Variants in ITGA9 observed in about 807,000 individuals in gnomAD.
ITGA9 encodes integrin subunit alpha 9.
Under a neutral mutation model 127.8 loss-of-function variants are expected in ITGA9, and 56 were observed. The ratio of observed to expected loss-of-function variants is 0.44; its 90% CI spans 0.35 to 0.55. ITGA9 has a LOEUF of 0.55. ITGA9 is among the 20% of genes least tolerant of loss of function. ITGA9 has a pLI of 0.00. For missense variants in ITGA9, 1,196 were observed against 1,347.1 expected (o/e 0.89, Z 1.76); for synonymous variants, 508 against 514.5 (o/e 0.99, Z 0.17).
chr3:37,818,191 T>TTAAAAAAAAAAAAAAA (rs1553674108), intron 27 of ITGA9: 19 of 31,970 alleles, frequency 5.9e-4, no homozygotes, highest in African/African-American at 1.6e-3. Context: ...TAAGACTCTC[T>TTAAAAAAAAAAAAAAA]AAAAAAAAAA....
intron 25 of ITGA9, among the ~76,000 whole-genome samples, chr3:37,784,254 C>T (rs1316392464): frequency 6.6e-6 from 1 of 152,160 alleles, no homozygotes; most frequent in East Asian, 1.9e-4. Context: ...CTGTCTTCTT[C>T]CAAATTCTTT....
At chr3:37,642,560 C>G (rs948121075) in intron 16 of ITGA9, among the ~76,000 whole-genome samples, 2 of 152,196 alleles carry the variant, frequency 1.3e-5, no homozygotes, top group Non-Finnish European at 2.9e-5. Context: ...TCTGTAATCC[C>G]TCTGGGAATT....
chr3:37,741,407 C>T (rs755465286), intron 20 of ITGA9, among the ~76,000 whole-genome samples: 7 of 152,128 alleles, frequency 4.6e-5, no homozygotes, highest in South Asian at 2.1e-4. Context: ...CCCTGGCTGC[C>T]GACAGCACGA....
chr3:37,523,576 C>T lies in ITGA9; in HGVS notation c.1292C>T (p.Ser431Leu), dbSNP rs374117373. The T allele has an allele frequency of 6.8e-6, 11 of 1,613,822 alleles. No individual in the cohort carries two copies. The highest frequency in any genetic ancestry group is 1.1e-5 in the South Asian group (1 of 91,058). The change falls in exon 12 of 28, where the codon TCG (serine) becomes TTG (leucine). Residue 431 changes from serine (S) to leucine (L), a missense_variant. Transcript: ENST00000264741. ...CTCCGGATGTTTGGTCAGTCCATAT[C>T]GGGAGGCATTGATATGGATGGAAAT... is the stretch of plus-strand genomic sequence containing the variant. ...PVLRMFGQSISGGIDMDGNGY... is the reference protein window; with the variant it reads ...PVLRMFGQSILGGIDMDGNGY...
intron 8 of ITGA9, among the ~76,000 whole-genome samples, chr3:37,510,289 C>T (rs905235298): frequency 1.3e-5 from 2 of 152,120 alleles, no homozygotes. Flanking sequence ...TAGGCATGAG[C>T]CACCGCACCT....
chr3:37,571,478 T>C (rs1575153930), intron 15 of ITGA9, among the ~76,000 whole-genome samples: 1 of 152,304 alleles, frequency 6.6e-6, no homozygotes, highest in East Asian at 1.9e-4. Flanking sequence ...TAGAGCCCTC[T>C]TGTGGTCCCA....
chr3:37,745,067 C>T (rs1050396251), intron 22 of ITGA9, among the ~76,000 whole-genome samples: 4 of 152,244 alleles, frequency 2.6e-5, no homozygotes, highest in African/African-American at 9.6e-5. Context: ...GATGGTTTCC[C>T]ACTCTGGCAT....
intron 26 of ITGA9, among the ~76,000 whole-genome samples, chr3:37,786,576 G>A (rs1697043580): frequency 6.6e-6 from 1 of 151,418 alleles, no homozygotes; most frequent in South Asian, 2.1e-4. Context: ...CTGGGCAACG[G>A]AGTAAGACTC....
chr3:37,581,081 G>GA (rs1445912157), intron 15 of ITGA9, among the ~76,000 whole-genome samples: 3 of 152,186 alleles, frequency 2.0e-5, no homozygotes, highest in Non-Finnish European at 2.9e-5. Flanking sequence ...AAGAAGTTTG[G>GA]ATTTTATTTA....
At chr3:37,763,926 C>T (rs754317826) in intron 23 of ITGA9, among the ~76,000 whole-genome samples, 1 of 152,178 alleles carries the variant, frequency 6.6e-6, no homozygotes, top group African/African-American at 2.4e-5. Context: ...GGATTAGAAA[C>T]CCCTCTCATG....
chr3:37,762,544 G>A (rs1170588175), intron 23 of ITGA9, among the ~76,000 whole-genome samples: 1 of 152,118 alleles, frequency 6.6e-6, no homozygotes, highest in Non-Finnish European at 1.5e-5. Context: ...TTTCAGACTT[G>A]TAAAGGTGTC....
chr3:37,457,845 G>T (rs932121282), intron 1 of ITGA9, among the ~76,000 whole-genome samples: 7 of 152,166 alleles, frequency 4.6e-5, no homozygotes, highest in Admixed American at 4.6e-4. Context: ...GCCCAGTGGA[G>T]AACCTTCCAG....
chr3:37,530,112 G>A (rs183995479), intron 13 of ITGA9, among the ~76,000 whole-genome samples: 1 of 152,334 alleles, frequency 6.6e-6, no homozygotes, highest in East Asian at 1.9e-4. Flanking sequence ...AAGAGAGGAA[G>A]CAAGGTGGGG....
At chr3:37,551,720 A>G (rs934281229) in intron 15 of ITGA9, among the ~76,000 whole-genome samples, 5 of 152,230 alleles carry the variant, frequency 3.3e-5, no homozygotes, top group African/African-American at 9.6e-5. Flanking sequence ...CTCTTTGAGT[A>G]GTAGCTGGTC....
At position 37,629,374 on chromosome 3, in the gene ITGA9, G is replaced by T; in HGVS notation, c.1839+38G>T. On this transcript the variant is annotated intron_variant, in intron 16 of 27. Transcript: ENST00000264741. The surrounding 1 kb of genome is among the most constrained non-coding windows in gnomAD (Gnocchi z 4.5). ...AAGCTCATACTCAGCACCCAAGGTG[G>T]CAGCTGCACAGAGCAGAAATAATGG... 1.2e-6 allele frequency: 2 copies of T among 1,610,774 alleles called. No individual in the cohort carries two copies. Among genetic ancestry groups the T allele is most frequent in the East Asian group, 4.5e-5 (2 of 44,802 alleles).
At chr3:37,610,790 G>A (rs2125625650) in intron 15 of ITGA9, among the ~76,000 whole-genome samples, 1 of 152,308 alleles carries the variant, frequency 6.6e-6, no homozygotes, top group African/African-American at 2.4e-5. Flanking sequence ...GGAGCTCAGT[G>A]TCTGTCTCTG....
chr3:37,640,851 G>T (rs1193492577), intron 16 of ITGA9, among the ~76,000 whole-genome samples: 1 of 152,200 alleles, frequency 6.6e-6, no homozygotes, highest in African/African-American at 2.4e-5. Context: ...TGCTCTGCCT[G>T]CCTCTGGGTG....
chr3:37,784,584 G>A (rs1040915725), intron 25 of ITGA9, among the ~76,000 whole-genome samples: 1 of 152,210 alleles, frequency 6.6e-6, no homozygotes, highest in Admixed American at 6.5e-5. Flanking sequence ...CCTATAAAAT[G>A]TAGATCAGAT....
intron 11 of ITGA9, among the ~76,000 whole-genome samples, chr3:37,520,456 A>G (rs17036515): frequency 0.045 from 6,888 of 152,234 alleles, 437 homozygotes; most frequent in African/African-American, 0.15. Flanking sequence ...CATAAGTGGC[A>G]GTATGGCCAC....
Sources: allele counts gnomAD v4.1 joint callset (sites outside exome capture counted in the v4.1 genomes callset), GRCh38; gene constraint gnomAD v4.1.1; non-coding constraint Gnocchi (gnomAD v3.1); transcripts MANE v1.5; gene names NCBI Gene and HGNC (gene_info 2026-07-23, HGNC 2026-07-21).